The following DISP1 variants were observed in gnomAD, a reference collection of about 807,000 sequenced individuals.
The protein encoded by DISP1 is protein dispatched homolog 1.
DISP1 carries 30 observed loss-of-function variants against 37.3 expected under a neutral mutation model. That is an observed-to-expected ratio of 0.80 (90% CI 0.60 to 1.09). The LOEUF is 1.09. DISP1 is among the 50% of genes least tolerant of loss of function. The pLI is 0.00. For missense variants in DISP1, 1,598 were observed against 1,879.5 expected, an observed-to-expected ratio of 0.85 and a Z score of 2.77; for synonymous variants, 634 against 690.2, an observed-to-expected ratio of 0.92 and a Z score of 1.28.
chr1:222,854,055 G>GAA (rs1423641342), intron 1 of DISP1, among the ~76,000 whole-genome samples: 1 of 152,014 alleles, frequency 6.6e-6, no homozygotes, highest in African/African-American at 2.4e-5. Flanking sequence ...TTTGTGCCTT[G>GAA]AAACATATAA....
intron 2 of DISP1, among the ~76,000 whole-genome samples, chr1:222,940,769 C>T (rs1674322345): frequency 6.6e-6 from 1 of 152,152 alleles, no homozygotes; most frequent in African/African-American, 2.4e-5. Flanking sequence ...AGATTCCCAT[C>T]AGCTGTGATA....
At chr1:222,844,778 G>A (rs933351530) in intron 1 of DISP1, among the ~76,000 whole-genome samples, 1 of 152,108 alleles carries the variant, frequency 6.6e-6, no homozygotes, top group Non-Finnish European at 1.5e-5. Context: ...CAATTACAAT[G>A]AGATTTGTAT....
At chr1:222,984,435 T>TATATATAGAGAGAG (rs67660273) in intron 4 of DISP1, among the ~76,000 whole-genome samples, 16 of 108,364 alleles carry the variant, frequency 1.5e-4, no homozygotes, top group African/African-American at 4.2e-4. Flanking sequence ...TATATATATA[T>TATATATAGAGAGAG]AGAGAGAGAG....
At chr1:222,852,403 C>T (rs1007215168) in intron 1 of DISP1, among the ~76,000 whole-genome samples, 1 of 151,316 alleles carries the variant, frequency 6.6e-6, no homozygotes, top group Non-Finnish European at 1.5e-5. Flanking sequence ...GACTGATTTT[C>T]ACCATGTTGC....
At chr1:222,854,231 T>A (rs1030935601) in intron 1 of DISP1, among the ~76,000 whole-genome samples, 6 of 152,200 alleles carry the variant, frequency 3.9e-5, no homozygotes, top group African/African-American at 1.4e-4. Flanking sequence ...TCCGTTCTCA[T>A]GCTGCTGTCA....
At chr1:222,836,913 T>G (rs887549647) in intron 1 of DISP1, 24 of 394,906 alleles carry the variant, frequency 6.1e-5, no homozygotes, top group African/African-American at 1.4e-4. Context: ...AATTTTCTTA[T>G]CTTTAATAGG....
intron 1 of DISP1, among the ~76,000 whole-genome samples, chr1:222,840,156 T>TA (rs1389005765): frequency 6.6e-5 from 10 of 152,314 alleles, no homozygotes; most frequent in African/African-American, 2.4e-4. Flanking sequence ...ACTGAATGCA[T>TA]ATTCTTTTCC....
At chr1:222,872,784 T>C (rs1290613267) in intron 1 of DISP1, among the ~76,000 whole-genome samples, 3 of 152,222 alleles carry the variant, frequency 2.0e-5, no homozygotes, top group Non-Finnish European at 4.4e-5. Flanking sequence ...GCAGTTCTGC[T>C]CTGATCTTAG....
chr1:222,937,037 T>A (rs1243760807), intron 2 of DISP1, among the ~76,000 whole-genome samples: 1 of 113,792 alleles, frequency 8.8e-6, no homozygotes, highest in South Asian at 2.4e-4. Flanking sequence ...ACATATTATA[T>A]AATATATTAT....
Position 223,002,484 on chromosome 1 carries a change from A to T in DISP1, c.1087A>T (p.Asn363Tyr). 6.2e-7 allele frequency: 1 copy of T among 1,614,164 alleles called. No individual in the cohort carries two copies. Reference protein sequence around the residue: ...TLGNYIAILNNRSSCQKIVER... With the variant: ...TLGNYIAILNYRSSCQKIVER... Reference sequence around the variant, plus strand: ...GGGAAACTACATCGCCATTCTGAACAATAGATCGTCCTGTCAGAAAATAGT... The same window carrying T: ...GGGAAACTACATCGCCATTCTGAACTATAGATCGTCCTGTCAGAAAATAGT... The change falls in exon 9 of 9, where the codon AAT becomes TAT. Residue 363 changes from asparagine to tyrosine, a missense_variant. Coordinates refer to ENST00000675850, the MANE Select transcript of DISP1 (RefSeq NM_001377229.1).
chr1:222,843,076 A>G (rs186652029), intron 1 of DISP1, among the ~76,000 whole-genome samples: 5 of 152,154 alleles, frequency 3.3e-5, no homozygotes, highest in Admixed American at 2.6e-4. Flanking sequence ...TTATAGACAC[A>G]TTACTTACCG....
chr1:222,936,590 GAGATATATATCTCTCATATAT>G (rs1207473723), intron 2 of DISP1, among the ~76,000 whole-genome samples: 2 of 14,268 alleles, frequency 1.4e-4, no homozygotes, highest in Admixed American at 1.1e-3. Flanking sequence ...ATATATATGA[GAGATATATATCTCTCATATAT>G]ATGAGATATA....
Position 223,004,585 on chromosome 1 carries a change from C to T in DISP1, c.3188C>T (p.Ala1063Val). ...AVHYGVAYRL[A>V]PDPDREGKVI... ...CATTATGGGGTTGCCTACCGCTTGG[C>T]TCCAGATCCCGACCGAGAAGGCAAA... The change falls in exon 9 of 9, where the codon GCT becomes GTT. Residue 1063 changes from alanine to valine, a missense_variant. Ala to Val is a moderately conservative substitution (Grantham distance 64). Transcript: ENST00000675850. This position sits in a 1 kb window ranked among gnomAD's most constrained non-coding sequence, Gnocchi z 4.9. 2 of 1,614,176 alleles carry T rather than the reference C, an allele frequency of 1.2e-6. No homozygotes were observed. The highest frequency in any genetic ancestry group is 1.7e-6 in the Non-Finnish European group (2 of 1,180,028).
intron 3 of DISP1, among the ~76,000 whole-genome samples, chr1:222,956,004 A>G (rs372871148): frequency 2.0e-5 from 3 of 152,318 alleles, no homozygotes; most frequent in Non-Finnish European, 4.4e-5. Context: ...TTCAAGCCTA[A>G]TGCTTTCTAC....
At chr1:222,995,565 G>T (rs1678999197) in intron 8 of DISP1, among the ~76,000 whole-genome samples, 1 of 152,216 alleles carries the variant, frequency 6.6e-6, no homozygotes. Context: ...ACACCGGGAT[G>T]CAAGAAGACA....
At chr1:222,974,622 T>G (rs1677185650) in intron 3 of DISP1, among the ~76,000 whole-genome samples, 2 of 152,118 alleles carry the variant, frequency 1.3e-5, no homozygotes, top group Admixed American at 6.5e-5. Flanking sequence ...CACTTTTGAG[T>G]CAGCATCTCG....
chr1:222,999,438 T>A (rs144543843), intron 8 of DISP1, among the ~76,000 whole-genome samples: 46 of 152,314 alleles, frequency 3.0e-4, no homozygotes, highest in African/African-American at 1.1e-3. Context: ...TTAAGCCCCA[T>A]AATATAATAC....
chr1:222,971,499 A>G (rs1558060510), intron 3 of DISP1, among the ~76,000 whole-genome samples: 1 of 151,970 alleles, frequency 6.6e-6, no homozygotes, highest in Non-Finnish European at 1.5e-5. Context: ...AAAATGATCC[A>G]AGATATGTGG....
intron 8 of DISP1, among the ~76,000 whole-genome samples, chr1:223,002,001 T>G (rs1165107103): frequency 6.6e-6 from 1 of 152,214 alleles, no homozygotes; most frequent in African/African-American, 2.4e-5. Flanking sequence ...ATCCTATGCA[T>G]GTATATACAT....
Sources: gnomAD v4.1 joint callset for allele counts (sites outside exome capture counted in the v4.1 genomes callset) on GRCh38, gnomAD v4.1.1 for gene constraint, Gnocchi (gnomAD v3.1) non-coding constraint, MANE v1.5 for transcripts, NCBI Gene and HGNC (gene_info 2026-07-23, HGNC 2026-07-21) for gene names.